SRGAP3: variants seen among roughly 807,000 people sequenced by gnomAD.
SRGAP3 encodes SLIT-ROBO Rho GTPase activating protein 3.
SRGAP3 carries 39 observed loss-of-function variants against 121.1 expected under a neutral mutation model. The ratio of observed to expected loss-of-function variants is 0.32; its 90% CI spans 0.25 to 0.42. SRGAP3 has a LOEUF of 0.42. SRGAP3 is among the 10% of genes least tolerant of loss of function. SRGAP3 has a pLI of 1.00. For missense variants in SRGAP3, 1,213 were observed against 1,470.6 expected, an observed-to-expected ratio of 0.82 and a Z score of 2.86; for synonymous variants, 601 against 570.0, an observed-to-expected ratio of 1.05 and a Z score of -0.77.
At chr3:9,226,541 C>T (rs757922972) in intron 1 of SRGAP3, among the ~76,000 whole-genome samples, 4 of 152,170 alleles carry the variant, frequency 2.6e-5, no homozygotes, top group Non-Finnish European at 5.9e-5. Flanking sequence ...CTTCTATAAA[C>T]GCAGCCCAGA....
chr3:8,985,610 CTGCTGGACCGG>C lies in SRGAP3; in HGVS notation c.3198_3208del (p.His1066GlnfsTer199). 2 of 1,597,442 alleles carry C rather than the reference CTGCTGGACCGG, an allele frequency of 1.3e-6. No individual in the cohort carries two copies. Among genetic ancestry groups the C allele is most frequent in the Non-Finnish European group, 1.7e-6 (2 of 1,179,026 alleles). On this transcript the variant is annotated frameshift_variant, in exon 22 of 22. Transcript: ENST00000383836. LOFTEE classifies it high-confidence loss of function. This position sits in a 1 kb window ranked among gnomAD's most constrained non-coding sequence, Gnocchi z 5.1. ...GCTGCCCACGCCCGAGCTGCTGCTG[CTGCTGGACCGG>C]TGCTGGACCACCGGCCGCACGGGCC...
At chr3:9,097,712 A>G (rs1012610731) in intron 3 of SRGAP3, among the ~76,000 whole-genome samples, 7 of 152,162 alleles carry the variant, frequency 4.6e-5, no homozygotes, top group African/African-American at 7.2e-5. Flanking sequence ...ACTCCCTCAG[A>G]TGTCAGCTGC....
At chr3:9,313,761 G>A (rs537239041) in intron 3 of SRGAP3, among the ~76,000 whole-genome samples, 32 of 152,146 alleles carry the variant, frequency 2.1e-4, no homozygotes, top group African/African-American at 7.5e-4. Flanking sequence ...CTGGGAGGCC[G>A]AGATGGACAG....
intron 4 of SRGAP3, among the ~76,000 whole-genome samples, chr3:9,076,180 C>G (rs545462064): frequency 6.6e-6 from 1 of 152,080 alleles, no homozygotes; most frequent in Admixed American, 6.5e-5. Context: ...CCAGTTGAAC[C>G]CTGCCCAAAT....
intron 3 of SRGAP3, among the ~76,000 whole-genome samples, chr3:9,259,470 A>T (rs1954207591): frequency 1.3e-5 from 2 of 151,958 alleles, no homozygotes; most frequent in Non-Finnish European, 2.9e-5. Context: ...TGCCCAGCTA[A>T]TTTTTTTATT....
At chr3:9,180,740 C>T (rs1179739568) in intron 1 of SRGAP3, among the ~76,000 whole-genome samples, 1 of 152,236 alleles carries the variant, frequency 6.6e-6, no homozygotes, top group African/African-American at 2.4e-5. Context: ...GAGAGCTTTA[C>T]CCTGTCTGAA....
intron 3 of SRGAP3, among the ~76,000 whole-genome samples, chr3:9,102,915 A>G (rs1302710502): frequency 3.3e-5 from 5 of 152,214 alleles, no homozygotes; most frequent in Non-Finnish European, 7.3e-5. Context: ...AGGAAAAAAG[A>G]TGTGACAGCA....
intron 8 of SRGAP3, among the ~76,000 whole-genome samples, chr3:9,053,969 G>T (rs934901071): frequency 1.3e-5 from 2 of 152,262 alleles, no homozygotes; most frequent in African/African-American, 4.8e-5. Flanking sequence ...TAAAATTATT[G>T]TCACTCAAAG....
intron 1 of SRGAP3, among the ~76,000 whole-genome samples, chr3:9,229,700 A>G (rs958799093): frequency 7.9e-5 from 12 of 152,198 alleles, no homozygotes; most frequent in Admixed American, 7.2e-4. Flanking sequence ...TACCCCATTC[A>G]TATTTCTATC....
At chr3:9,135,012 G>C (rs1195176992) in intron 1 of SRGAP3, among the ~76,000 whole-genome samples, 5 of 152,198 alleles carry the variant, frequency 3.3e-5, no homozygotes, top group Admixed American at 3.3e-4. Context: ...TGCAAAGGAA[G>C]TTCCTGGCAT....
intron 1 of SRGAP3, among the ~76,000 whole-genome samples, chr3:9,209,027 A>T (rs1240643705): frequency 6.6e-6 from 1 of 152,208 alleles, no homozygotes; most frequent in East Asian, 1.9e-4. Context: ...CACAAAAATG[A>T]CTAAATAAGA....
At chr3:8,996,466 G>A (rs1942406497) in intron 18 of SRGAP3, among the ~76,000 whole-genome samples, 1 of 152,190 alleles carries the variant, frequency 6.6e-6, no homozygotes, top group African/African-American at 2.4e-5. Context: ...GCCTTCTGCA[G>A]GGAGCAGGCC....
At chr3:9,302,346 C>T (rs1955073650) in intron 3 of SRGAP3, among the ~76,000 whole-genome samples, 1 of 152,186 alleles carries the variant, frequency 6.6e-6, no homozygotes, top group Non-Finnish European at 1.5e-5. Context: ...CCTGCCTAAA[C>T]GCTTGCCCTG....
intron 8 of SRGAP3, among the ~76,000 whole-genome samples, chr3:9,055,851 C>A (rs577398299): frequency 1.3e-5 from 2 of 152,076 alleles, no homozygotes; most frequent in African/African-American, 2.4e-5. Flanking sequence ...CCAGTTATGG[C>A]AATACTGAAC....
intron 2 of SRGAP3, among the ~76,000 whole-genome samples, chr3:9,120,238 G>C (rs1472342669): frequency 2.0e-5 from 3 of 152,226 alleles, no homozygotes; most frequent in African/African-American, 4.8e-5. Context: ...AAGTACATCA[G>C]AGTACGACGG....
At chr3:9,077,946 T>G (rs545088378) in intron 4 of SRGAP3, among the ~76,000 whole-genome samples, 349 of 152,250 alleles carry the variant, frequency 2.3e-3, no homozygotes, top group African/African-American at 8.1e-3. Flanking sequence ...TTTCATGCAG[T>G]GTTTCTCAGC....
At position 9,127,638 on chromosome 3, in the gene SRGAP3, G is replaced by A. The variant is rs181801870; in HGVS notation, c.68-2721C>T. Among the ~76,000 whole-genome samples, 33 of 152,296 alleles carry A rather than the reference G, an allele frequency of 2.2e-4. No homozygotes were observed. In the East Asian group the frequency reaches 5.6e-3, roughly 26 times the overall value. ...AGTTTTTTGTATTTTTAGTAGAGAC[G>A]AGGTTTCATTATGTTGGCCAGGATG... On this transcript the variant is annotated intron_variant, in intron 1 of 21. Transcript: ENST00000383836.
chr3:9,087,809 G>A (rs1419256219), intron 3 of SRGAP3, among the ~76,000 whole-genome samples: 1 of 152,150 alleles, frequency 6.6e-6, no homozygotes, highest in African/African-American at 2.4e-5. Context: ...GAAGACACCA[G>A]TGAATGGAGG....
intron 3 of SRGAP3, among the ~76,000 whole-genome samples, chr3:9,259,028 C>T (rs1176301999): frequency 6.6e-6 from 1 of 152,214 alleles, no homozygotes; most frequent in Admixed American, 6.5e-5. Context: ...CTAAGCCCAT[C>T]TCTTGCTTCT....
Sources: allele counts gnomAD v4.1 joint callset (sites outside exome capture counted in the v4.1 genomes callset), GRCh38; gene constraint gnomAD v4.1.1; non-coding constraint Gnocchi (gnomAD v3.1); transcripts MANE v1.5; gene names NCBI Gene and HGNC (gene_info 2026-07-23, HGNC 2026-07-21).